The following MAPK12 variants were observed in gnomAD, a reference collection of about 807,000 sequenced individuals.
MAPK12 encodes mitogen-activated protein kinase 12.
Under a neutral mutation model 49.1 loss-of-function variants are expected in MAPK12, and 49 were observed. That is an observed-to-expected ratio of 1.00 (90% CI 0.79 to 1.27). The LOEUF (loss-of-function observed/expected upper bound fraction) is 1.27, where lower values mean the gene tolerates loss of function less well. Ranked by LOEUF, MAPK12 falls within the 50% of genes most tolerant of loss-of-function variation. MAPK12 has a pLI of 0.00. For missense variants in MAPK12, 554 were observed against 502.4 expected, an observed-to-expected ratio of 1.10 and a Z score of -0.98; for synonymous variants, 251 against 209.7, an observed-to-expected ratio of 1.20 and a Z score of -1.70.
At chr22:50,260,469 C>T (rs552353363) in intron 2 of MAPK12, among the ~76,000 whole-genome samples, 62 of 152,170 alleles carry the variant, frequency 4.1e-4, no homozygotes, top group African/African-American at 1.4e-3. Flanking sequence ...GCAGAGAGAT[C>T]GGGTTCTTAG....
Position 50,261,388 on chromosome 22 carries a change from A to C in MAPK12, c.122T>G (p.Val41Gly), listed in dbSNP as rs1293978747. 2 of 1,192,906 alleles carry C rather than the reference A, an allele frequency of 1.7e-6. No homozygotes were observed. Among genetic ancestry groups the C allele is most frequent in the Non-Finnish European group, 2.1e-6 (2 of 946,886 alleles). The allele number at this position is 1,192,906 out of a possible 1,614,324, so 73.9% of individuals were successfully genotyped here. The stretch of plus-strand genomic sequence containing the variant: ...GCCCCGCCCGGCCCGCGCTCACCAC[A>C]CCGCGCCGTAGGCGCCCGAGCCCAC... The part of the protein sequence containing the change: ...QPVGSGAYGA[V>G]CSAVDGRTGA... The change falls in exon 1 of 12, where the codon GTG becomes GGG. Residue 41 changes from valine (V) to glycine (G), a missense_variant. Transcript: ENST00000215659.
At chr22:50,258,003 T>G (rs2065168822) in intron 3 of MAPK12, 5 of 738,974 alleles carry the variant, frequency 6.8e-6, no homozygotes, top group Non-Finnish European at 1.3e-5. Flanking sequence ...AGGGCCCAGG[T>G]GCCAGGCGTG....
chr22:50,261,452 C>A lies in MAPK12; in HGVS notation c.58G>T (p.Ala20Ser). Residue 20 changes from alanine to serine, a missense_variant, in exon 1 of 12, where the codon GCC becomes TCC. Physicochemically the swap from Ala to Ser is moderately conservative, Grantham distance 99. Transcript: ENST00000215659. ...GFYRQEVTKT[A>S]WEVRAVYRDL... The stretch of plus-strand genomic sequence containing the variant: ...CGGTACACGGCGCGCACCTCCCAGG[C>A]CGTCTTGGTCACCTCCTGGCGGTAA... 1 of 1,282,666 alleles carries A rather than the reference C, an allele frequency of 7.8e-7. No individual in the cohort carries two copies. 79.5% of individuals were successfully genotyped at this position (1,282,666 alleles called of 1,614,324 possible).
chr22:50,255,190 C>T lies in MAPK12; in HGVS notation c.1024+7G>A, dbSNP rs202210542. On this transcript the variant is annotated splice_region_variant and intron_variant, in intron 11 of 11. Coordinates refer to ENST00000215659, the MANE Select transcript of MAPK12 (RefSeq NM_002969.6). Reference sequence around the variant, plus strand: ...CACACAGGCCGTGCCAGGAGCCCCCCACTCACGCTTCCATTCATCCAGTGT... The same window carrying T: ...CACACAGGCCGTGCCAGGAGCCCCCTACTCACGCTTCCATTCATCCAGTGT... 10 of 1,613,608 alleles carry T rather than the reference C, an allele frequency of 6.2e-6. No individual in the cohort carries two copies. Among genetic ancestry groups the T allele is most frequent in the Non-Finnish European group, 8.5e-6 (10 of 1,179,958 alleles).
rs911297067 is a variant in MAPK12 at position 50,261,486 on chromosome 22, G to A, written c.24C>T (p.Arg8=). The change falls in exon 1 of 12, where the codon CGC becomes CGT. Residue 8 remains arginine (R), a synonymous_variant. Transcript: ENST00000215659. ...TCACCTCCTGGCGGTAAAAGCCACT[G>A]CGGGCGGGCGGCGGAGAGCTCATGG... MSSPPPA[R]SGFYRQEVTK... The A allele has an allele frequency of 3.2e-6, 4 of 1,257,982 alleles. No individual in the cohort carries two copies. Among genetic ancestry groups the A allele is most frequent in the Admixed American group, 5.3e-5 (2 of 37,648 alleles). The allele number at this position is 1,257,982 out of a possible 1,614,324, so 77.9% of individuals were successfully genotyped here. A position where few individuals can be genotyped will look rare whatever the true frequency, so the allele number is the denominator to read the frequency against.
Position 50,255,334 on chromosome 22 carries a change from G to A in MAPK12, c.887C>T (p.Ala296Val), listed in dbSNP as rs779064840. Residue 296 changes from alanine (A) to valine (V), a missense_variant, in exon 11 of 12, where the codon GCG (alanine) becomes GTG (valine). Transcript: ENST00000215659. ...NLLEKMLVLD[A>V]EQRVTAGEAL... ...CTCGCCTGCCGTCACCCGCTGCTCC[G>A]CGTCCAGCACCAGCATCTTCTCCAG... is the stretch of plus-strand genomic sequence containing the variant. 120 of 1,613,518 alleles carry A rather than the reference G, an allele frequency of 7.4e-5. No individual in the cohort carries two copies. In the East Asian group the frequency reaches 7.6e-4, roughly 10 times the overall value.
At chr22:50,257,647 G>A in intron 3 of MAPK12, 2 of 585,684 alleles carry the variant, frequency 3.4e-6, no homozygotes, top group South Asian at 4.0e-5. Context: ...AGGCATCTGG[G>A]TCAGAGGGGT....
At chr22:50,256,516 C>T in intron 6 of MAPK12, 83 bp downstream of exon 6, 1 of 1,525,612 alleles carries the variant, frequency 6.6e-7, no homozygotes, top group South Asian at 1.3e-5. Context: ...TGGCCCCCTG[C>T]CCAGGCCTGA....
intron 3 of MAPK12, chr22:50,257,445 G>C: frequency 1.8e-6 from 1 of 564,658 alleles, no homozygotes; most frequent in Non-Finnish European, 3.2e-6. Context: ...CTGTCAGGCA[G>C]GGAGGAGGCT....
chr22:50,260,911 G>A (rs1423860793), intron 2 of MAPK12: 6 of 364,450 alleles, frequency 1.6e-5, no homozygotes, highest in African/African-American at 6.5e-5. Flanking sequence ...TCCCTGACCA[G>A]GGCCTGGCTG....
intron 11 of MAPK12, chr22:50,253,758 G>A (rs1160455474): frequency 1.9e-5 from 10 of 533,690 alleles, no homozygotes; most frequent in Non-Finnish European, 3.4e-5. Flanking sequence ...GGGGACTACA[G>A]AGAGGATCCT....
intron 11 of MAPK12, 21 bp from the exon 12 acceptor site, chr22:50,253,501 G>GGGGGGGGGGGGA: frequency 2.8e-6 from 1 of 354,170 alleles, no homozygotes; most frequent in Non-Finnish European, 5.6e-6. Context: ...TGGGGGGGCG[G>GGGGGGGGGGGGA]GCACAACAGA....
intron 11 of MAPK12, chr22:50,254,844 T>C (rs1186655268): frequency 1.7e-6 from 2 of 1,177,728 alleles, no homozygotes; most frequent in African/African-American, 3.2e-5. Flanking sequence ...ACAGCTGCCT[T>C]TCACCACTCC....
rs374797423 is a variant in MAPK12, at chr22:50,256,634, C to A, written c.469G>T (p.Gly157Cys). ...CAGTCTTCGTTCACAGCCAGGTTGC[C>A]GGGCTTCAGGTCCTGGGGGCAGAGG... is the stretch of plus-strand genomic sequence containing the variant. ...AGIIHRDLKPGNLAVNEDCEL... is the reference protein window; with the variant it reads ...AGIIHRDLKPCNLAVNEDCEL... Residue 157 changes from glycine to cysteine, a missense_variant, in exon 6 of 12, where the codon GGC becomes TGC. Transcript: ENST00000215659. 1.2e-6 allele frequency: 2 copies of A among 1,611,600 alleles called. No homozygotes were observed. Among genetic ancestry groups the A allele is most frequent in the Non-Finnish European group, 8.5e-7 (1 of 1,179,180 alleles).
intron 3 of MAPK12, chr22:50,257,458 C>T (rs992481677): frequency 1.8e-6 from 1 of 557,154 alleles, no homozygotes; most frequent in African/African-American, 1.9e-5. Flanking sequence ...AGGAGGCTGC[C>T]TTGGGGTTTT....
chr22:50,261,181 T>A lies in MAPK12; in HGVS notation c.241A>T (p.Met81Leu), dbSNP rs373855209. 11 of 1,591,110 alleles carry A rather than the reference T, an allele frequency of 6.9e-6. No individual in the cohort carries two copies. The African/African-American group carries it at 1.5e-4, about 22-fold the overall frequency. Reference sequence around the variant, plus strand: ...GCGCGACTCACGTTCTCGTGGCGCATGTGCTTGAGCAGGCGCAGCTCGCGG... The same window carrying A: ...GCGCGACTCACGTTCTCGTGGCGCAAGTGCTTGAGCAGGCGCAGCTCGCGG... Reference protein sequence around the residue: ...AYRELRLLKHMRHENVIGLLD... With the variant: ...AYRELRLLKHLRHENVIGLLD... The change falls in exon 2 of 12, where the codon ATG becomes TTG. Residue 81 changes from methionine (M) to leucine (L), a missense_variant. Transcript: ENST00000215659.
intron 2 of MAPK12, among the ~76,000 whole-genome samples, chr22:50,259,168 G>T (rs937929619): frequency 2.0e-5 from 3 of 152,214 alleles, no homozygotes; most frequent in Non-Finnish European, 2.9e-5. Flanking sequence ...ACACAAGCTG[G>T]AAGGACAGCT....
chr22:50,256,884 G>C (rs1432528890), intron 5 of MAPK12, 51 bp downstream of exon 5: 1 of 1,591,938 alleles, frequency 6.3e-7, no homozygotes, highest in South Asian at 1.1e-5. Context: ...GTGGAGGCGG[G>C]GGGATTGCAC....
Position 50,253,219 on chromosome 22 carries a change from C to T in MAPK12, c.*182G>A. On this transcript the variant is annotated 3_prime_UTR_variant, in exon 12 of 12. Coordinates refer to ENST00000215659, the MANE Select transcript of MAPK12 (RefSeq NM_002969.6). ...TTGTCCAGAAAGTTCAGGTGCTCCT[C>T]CATGATGGGCGCCCAAGAGCAGAGG... The T allele has an allele frequency of 1.5e-6, 1 of 649,776 alleles. No homozygotes were observed. The allele number at this position is 649,776 out of a possible 1,614,324, so 40.3% of individuals were successfully genotyped here. A position where few individuals can be genotyped will look rare whatever the true frequency, so the allele number is the denominator to read the frequency against.
Sources: allele counts gnomAD v4.1 joint callset (sites outside exome capture counted in the v4.1 genomes callset), GRCh38; gene constraint gnomAD v4.1.1; transcripts MANE v1.5; gene names NCBI Gene and HGNC (gene_info 2026-07-23, HGNC 2026-07-21).